MCM9: variants seen among roughly 807,000 people sequenced by gnomAD.
The protein encoded by MCM9 is DNA helicase MCM9.
In MCM9, 55 loss-of-function variants were observed where a neutral mutation model predicts 72.8. The ratio of observed to expected loss-of-function variants is 0.76; its 90% confidence interval spans 0.61 to 0.95. The LOEUF is 0.95. MCM9 is among the 40% of genes least tolerant of loss of function. The probability of loss-of-function intolerance (pLI) is 0.00; values close to 1 mark genes in which losing one functional copy is unlikely to be tolerated. For missense variants in MCM9, 1,279 were observed against 1,377.0 expected (o/e 0.93, Z 1.13); for synonymous variants, 480 against 503.4 (o/e 0.95, Z 0.62).
intron 8 of MCM9, among the ~76,000 whole-genome samples, chr6:118,886,663 G>C (rs962228689): frequency 6.6e-6 from 1 of 152,178 alleles, no homozygotes; most frequent in Non-Finnish European, 1.5e-5. Flanking sequence ...CTTATACTAT[G>C]AAAACAACAG....
chr6:118,844,559 T>A (rs1340339418), intron 9 of MCM9, among the ~76,000 whole-genome samples: 1 of 151,346 alleles, frequency 6.6e-6, no homozygotes, highest in East Asian at 1.9e-4. Context: ...AAAAAAAAAT[T>A]AAAAGGACAA....
At chr6:118,842,187 A>G (rs1246834357) in intron 9 of MCM9, among the ~76,000 whole-genome samples, 1 of 152,160 alleles carries the variant, frequency 6.6e-6, no homozygotes, top group Admixed American at 6.5e-5. Flanking sequence ...ATGTGAGTAT[A>G]ATTCAGTAGA....
At chr6:118,872,576 G>GGAT (rs1477914785) in intron 8 of MCM9, among the ~76,000 whole-genome samples, 2 of 151,716 alleles carry the variant, frequency 1.3e-5, no homozygotes, top group African/African-American at 4.8e-5. Context: ...TGTGCCTGGA[G>GGAT]GATAGCAACT....
chr6:118,815,042 T>A lies in MCM9; in HGVS notation c.3214A>T (p.Lys1072Ter). 1 of 1,550,488 alleles carries A rather than the reference T, an allele frequency of 6.4e-7. No individual in the cohort carries two copies. Among genetic ancestry groups the A allele is most frequent in the Non-Finnish European group, 8.7e-7 (1 of 1,146,776 alleles). The change falls in exon 14 of 14, where the codon AAA (lysine) becomes TAA (stop). Residue 1072 changes from lysine to a stop codon, truncating the protein, a stop_gained. Transcript: ENST00000619706. LOFTEE classifies it low-confidence loss of function (END_TRUNC). ...CFTPPSESKS[K>*]SPPPERKNRG... ...TTCTTCCTTTCAGGAGGAGGGGATTTTGATTTGGATTCCGATGGGGGAGTA... is the reference window on the plus strand; with the variant it reads ...TTCTTCCTTTCAGGAGGAGGGGATTATGATTTGGATTCCGATGGGGGAGTA...
At chr6:118,896,240 C>T (rs1456456098) in intron 8 of MCM9, among the ~76,000 whole-genome samples, 1 of 152,054 alleles carries the variant, frequency 6.6e-6, no homozygotes, top group Non-Finnish European at 1.5e-5. Context: ...AGCTACCAGG[C>T]CCATTTTTCA....
At position 118,815,098 on chromosome 6, in the gene MCM9, C is replaced by G. The variant is rs2114485484; in HGVS notation, c.3158G>C (p.Cys1053Ser). The change falls in exon 14 of 14, where the codon TGC becomes TCC. Residue 1053 changes from cysteine to serine, a missense_variant. Cys to Ser is a moderately radical substitution (Grantham distance 112). Transcript: ENST00000619706. ...GAAGTTTGCCAATCTGGCTAATGTG[C>G]AGGCATGAACCTTGCCGCTTTTATT... ...GSNKSGKVHA[C>S]TLARLANFCF... 1 of 1,550,766 alleles carries G rather than the reference C, an allele frequency of 6.4e-7. No individual in the cohort carries two copies. Among genetic ancestry groups the G allele is most frequent in the Non-Finnish European group, 8.7e-7 (1 of 1,147,030 alleles).
At chr6:118,820,111 C>A (rs1223517942) in intron 13 of MCM9, among the ~76,000 whole-genome samples, 1 of 152,040 alleles carries the variant, frequency 6.6e-6, no homozygotes, top group Non-Finnish European at 1.5e-5. Flanking sequence ...TTTTTCGTGT[C>A]TCTATCTCCT....
intron 13 of MCM9, among the ~76,000 whole-genome samples, chr6:118,825,593 T>G (rs1343613536): frequency 6.6e-6 from 1 of 152,188 alleles, no homozygotes; most frequent in African/African-American, 2.4e-5. Flanking sequence ...ATGGATAAAC[T>G]TGCCATTCCT....
intron 8 of MCM9, among the ~76,000 whole-genome samples, chr6:118,871,714 AC>A (rs1174903402): frequency 6.6e-6 from 1 of 151,746 alleles, no homozygotes; most frequent in African/African-American, 2.4e-5. Flanking sequence ...CAGGAGATAG[AC>A]ACCATTCTGG....
chr6:118,872,284 A>C (rs1470270449), intron 8 of MCM9, among the ~76,000 whole-genome samples: 2 of 150,758 alleles, frequency 1.3e-5, no homozygotes, highest in Non-Finnish European at 2.9e-5. Context: ...GTGCCACTGC[A>C]CTCCAGCCTG....
In MCM9 at chr6:118,930,591, TA is replaced by T. The variant is rs1329967396; in HGVS notation, c.304+828del. Among the ~76,000 whole-genome samples, 4 of 152,292 alleles carry T rather than the reference TA, an allele frequency of 2.6e-5. No individual in the cohort carries two copies. The South Asian group carries it at 6.2e-4, about 24-fold the overall frequency. The stretch of plus-strand genomic sequence containing the variant: ...TGGCATAGTTAAATTTTGTTTTAAT[TA>T]GGGGGTTGACAGGGACTCTAGAAGT... On this transcript the variant is annotated intron_variant, in intron 3 of 13. Transcript: ENST00000619706.
At chr6:118,874,600 G>A (rs929461095) in intron 8 of MCM9, among the ~76,000 whole-genome samples, 1 of 152,044 alleles carries the variant, frequency 6.6e-6, no homozygotes, top group African/African-American at 2.4e-5. Flanking sequence ...AATAAGATGA[G>A]AAAAGGAACA....
chr6:118,878,834 A>G (rs1412051003), intron 8 of MCM9, among the ~76,000 whole-genome samples: 2 of 152,106 alleles, frequency 1.3e-5, no homozygotes, highest in Non-Finnish European at 2.9e-5. Flanking sequence ...AGGTGGGTGG[A>G]TTGCTTGAGC....
At chr6:118,822,108 T>G (rs2114520296) in intron 13 of MCM9, among the ~76,000 whole-genome samples, 1 of 152,330 alleles carries the variant, frequency 6.6e-6, no homozygotes, top group East Asian at 1.9e-4. Flanking sequence ...ATTACCCACC[T>G]TCTGAAGCCT....
At chr6:118,876,674 G>A (rs1562420095) in intron 8 of MCM9, among the ~76,000 whole-genome samples, 1 of 152,168 alleles carries the variant, frequency 6.6e-6, no homozygotes, top group African/African-American at 2.4e-5. Context: ...AGTTAAAAAT[G>A]TTTGTTCTTC....
rs1773260572 is a variant in MCM9, at chr6:118,813,977, C to T, written c.*847G>A. 1 of 152,104 alleles carries T rather than the reference C, an allele frequency of 6.6e-6. No individual in the cohort carries two copies. Among genetic ancestry groups the T allele is most frequent in the Non-Finnish European group, 1.5e-5 (1 of 68,058 alleles). The allele number at this position is 152,104 out of a possible 1,614,324, so 9.4% of individuals were successfully genotyped here. On this transcript the variant is annotated 3_prime_UTR_variant, in exon 14 of 14. Coordinates refer to ENST00000619706, the MANE Select transcript of MCM9 (RefSeq NM_017696.3). ...GGTGTGACCACAGCTCACTGTAACC[C>T]CGAACTCCTGGGCTTAAGCAATCAT...
intron 8 of MCM9, among the ~76,000 whole-genome samples, chr6:118,878,277 G>C (rs147690982): frequency 6.6e-6 from 1 of 151,878 alleles, no homozygotes; most frequent in African/African-American, 2.4e-5. Flanking sequence ...TTAATGTAAA[G>C]TTAAAAAAAA....
intron 8 of MCM9, chr6:118,910,709 AG>A: frequency 1.0e-6 from 1 of 985,226 alleles, no homozygotes; most frequent in Non-Finnish European, 1.2e-6. Flanking sequence ...ATTCTTGCCT[AG>A]TATCCTGAAG....
At chr6:118,874,685 T>C (rs1430452323) in intron 8 of MCM9, among the ~76,000 whole-genome samples, 1 of 152,256 alleles carries the variant, frequency 6.6e-6, no homozygotes, top group Non-Finnish European at 1.5e-5. Flanking sequence ...ATGTAGGATG[T>C]CTGAACAAAC....
Sources: allele counts gnomAD v4.1 joint callset (sites outside exome capture counted in the v4.1 genomes callset), GRCh38; gene constraint gnomAD v4.1.1; transcripts MANE v1.5; gene names NCBI Gene and HGNC (gene_info 2026-07-23, HGNC 2026-07-21).